SLC14A2: variants seen among roughly 807,000 people sequenced by gnomAD.
The protein encoded by SLC14A2 is solute carrier family 14 member 2.
In SLC14A2, 91 loss-of-function variants were observed where a neutral mutation model predicts 104.6. That is an observed-to-expected ratio of 0.87 (90% CI 0.73 to 1.04). The LOEUF is 1.04. SLC14A2 is among the 50% of genes least tolerant of loss of function. The probability of loss-of-function intolerance (pLI) is 0.00; values close to 1 mark genes in which losing one functional copy is unlikely to be tolerated. For synonymous variants in SLC14A2, 476 were observed against 466.4 expected (o/e 1.02, Z -0.27); for missense variants, 1,189 against 1,156.0 (o/e 1.03, Z -0.41).
intron 2 of SLC14A2, among the ~76,000 whole-genome samples, chr18:45,562,768 G>C (rs962798414): frequency 2.0e-5 from 3 of 152,120 alleles, no homozygotes; most frequent in African/African-American, 4.8e-5. Flanking sequence ...CCCCGGAGAG[G>C]AGGGAGGGAA....
At chr18:45,433,516 A>G (rs1430992298) in intron 1 of SLC14A2, among the ~76,000 whole-genome samples, 3 of 152,176 alleles carry the variant, frequency 2.0e-5, no homozygotes, top group Admixed American at 6.5e-5. Context: ...GGGACTCCAC[A>G]CTATTCTTGT....
intron 1 of SLC14A2, among the ~76,000 whole-genome samples, chr18:45,315,657 T>C (rs2144226688): frequency 6.6e-6 from 1 of 152,112 alleles, no homozygotes; most frequent in African/African-American, 2.4e-5. Context: ...GGCTTGAGGG[T>C]TCCCTAAATG....
intron 1 of SLC14A2, among the ~76,000 whole-genome samples, chr18:45,252,828 A>T: frequency 6.8e-6 from 1 of 147,120 alleles, no homozygotes; most frequent in Admixed American, 6.8e-5. Context: ...AGAGAGCCTA[A>T]TGGAGAGAGG....
chr18:45,659,792 C>G (rs2045905139), intron 10 of SLC14A2, among the ~76,000 whole-genome samples: 1 of 152,046 alleles, frequency 6.6e-6, no homozygotes, highest in Admixed American at 6.6e-5. Flanking sequence ...TGTTTGTACC[C>G]TGAAATATCT....
At chr18:45,398,641 G>A (rs759326173) in intron 1 of SLC14A2, among the ~76,000 whole-genome samples, 7 of 152,090 alleles carry the variant, frequency 4.6e-5, no homozygotes, top group South Asian at 2.1e-4. Context: ...ACTCTGACAC[G>A]CGCTGCAACC....
intron 1 of SLC14A2, among the ~76,000 whole-genome samples, chr18:45,408,385 C>G (rs2144483183): frequency 6.6e-6 from 1 of 152,302 alleles, no homozygotes; most frequent in East Asian, 1.9e-4. Context: ...TACAGCAAAG[C>G]ATTTAATTCA....
intron 1 of SLC14A2, among the ~76,000 whole-genome samples, chr18:45,218,043 C>A (rs2084026201): frequency 6.6e-6 from 1 of 152,106 alleles, no homozygotes; most frequent in Non-Finnish European, 1.5e-5. Context: ...TAAAATTTAC[C>A]ATTTTAACGA....
intron 2 of SLC14A2, among the ~76,000 whole-genome samples, chr18:45,588,248 G>A (rs2144378634): frequency 6.6e-6 from 1 of 152,286 alleles, no homozygotes; most frequent in Middle Eastern, 3.4e-3. Context: ...TTTCTGAGAT[G>A]TCCTGGGCCG....
At chr18:45,432,317 G>A (rs767073418) in intron 1 of SLC14A2, among the ~76,000 whole-genome samples, 4 of 152,252 alleles carry the variant, frequency 2.6e-5, no homozygotes, top group Middle Eastern at 3.4e-3. Flanking sequence ...CCAGGTGACC[G>A]AATAAAGCTT....
chr18:45,578,498 G>GC (rs1289719799), intron 2 of SLC14A2, among the ~76,000 whole-genome samples: 2 of 152,066 alleles, frequency 1.3e-5, no homozygotes, highest in Non-Finnish European at 2.9e-5. Flanking sequence ...TTGATCCAGG[G>GC]CCCCCCAGGG....
chr18:45,449,477 C>T lies in SLC14A2; in HGVS notation c.-124-33756C>T, dbSNP rs548677612. Among the ~76,000 whole-genome samples the T allele has an allele frequency of 1.9e-4, 29 of 152,266 alleles. No individual in the cohort carries two copies. The South Asian group carries it at 3.3e-3, about 17-fold the overall frequency. ...CTGCCTCATACACATAAACTTCCTGCGCCCGGGGAAAGACGATGGAGTCTC... is the reference window on the plus strand; with the variant it reads ...CTGCCTCATACACATAAACTTCCTGTGCCCGGGGAAAGACGATGGAGTCTC... On this transcript the variant is annotated intron_variant, in intron 1 of 20. Transcript: ENST00000586448.
At chr18:45,398,639 A>G (rs1252349953) in intron 1 of SLC14A2, among the ~76,000 whole-genome samples, 5 of 152,208 alleles carry the variant, frequency 3.3e-5, no homozygotes, top group Non-Finnish European at 7.3e-5. Context: ...AAACTCTGAC[A>G]CGCGCTGCAA....
chr18:45,628,397 T>C (rs1171753845), intron 4 of SLC14A2, among the ~76,000 whole-genome samples: 1 of 146,586 alleles, frequency 6.8e-6, no homozygotes, highest in African/African-American at 2.5e-5. Context: ...TTAGCCGAGA[T>C]CGCACCACTA....
chr18:45,175,236 A>C, the SLC14A2 span, among the ~76,000 whole-genome samples: 7 of 152,148 alleles, frequency 4.6e-5, no homozygotes, highest in African/African-American at 1.7e-4. Context: ...TCTGTCAATA[A>C]GGGCCTTTAA....
intron 1 of SLC14A2, among the ~76,000 whole-genome samples, chr18:45,445,662 T>C (rs1441990115): frequency 2.0e-4 from 30 of 152,220 alleles, no homozygotes; most frequent in Admixed American, 2.0e-3. Flanking sequence ...CAAACATTAA[T>C]TGAAGTTAGT....
At chr18:45,532,227 A>G (rs938787660) in intron 2 of SLC14A2, among the ~76,000 whole-genome samples, 4 of 152,236 alleles carry the variant, frequency 2.6e-5, no homozygotes, top group Admixed American at 2.0e-4. Context: ...GTTTTTTCCA[A>G]TTCTGTGAAG....
chr18:45,677,643 T>G (rs1330488099), intron 18 of SLC14A2, among the ~76,000 whole-genome samples: 1 of 152,170 alleles, frequency 6.6e-6, no homozygotes, highest in African/African-American at 2.4e-5. Context: ...ACCTCTATTA[T>G]CTCTAGTTAA....
At chr18:45,416,370 G>T (rs2086277818) in intron 1 of SLC14A2, among the ~76,000 whole-genome samples, 1 of 151,102 alleles carries the variant, frequency 6.6e-6, no homozygotes, top group Non-Finnish European at 1.5e-5. Flanking sequence ...CTTGTCATGT[G>T]AGCGTTTATC....
chr18:45,326,585 A>G (rs2085236606), intron 1 of SLC14A2, among the ~76,000 whole-genome samples: 2 of 152,210 alleles, frequency 1.3e-5, no homozygotes, highest in African/African-American at 2.4e-5. Context: ...TCAAAGAAAG[A>G]GAGGCTAATG....
Sources: allele counts gnomAD v4.1 joint callset (sites outside exome capture counted in the v4.1 genomes callset), GRCh38; gene constraint gnomAD v4.1.1; transcripts MANE v1.5; gene names NCBI Gene and HGNC (gene_info 2026-07-23, HGNC 2026-07-21).